ITSN1: variants seen among roughly 807,000 people sequenced by gnomAD.
ITSN1 encodes intersectin 1.
In ITSN1, 58 loss-of-function variants were observed where a neutral mutation model predicts 239.8. The observed-to-expected ratio is 0.24, with a 90% CI of 0.20 to 0.30. The LOEUF is 0.30. Ranked by LOEUF, ITSN1 falls within the 10% of genes least tolerant of loss-of-function variation. The pLI is 1.00. For missense variants in ITSN1, 1,558 were observed against 2,103.3 expected, an observed-to-expected ratio of 0.74 and a Z score of 5.07; for synonymous variants, 780 against 770.8, an observed-to-expected ratio of 1.01 and a Z score of -0.20.
At chr21:33,769,826 G>A (rs2068999696) in intron 11 of ITSN1, among the ~76,000 whole-genome samples, 1 of 151,644 alleles carries the variant, frequency 6.6e-6, no homozygotes, top group African/African-American at 2.4e-5. Flanking sequence ...CTCCCAAGTA[G>A]CTGGGACTAA....
At chr21:33,749,358 C>A (rs113942553) in intron 5 of ITSN1, among the ~76,000 whole-genome samples, 9 of 151,930 alleles carry the variant, frequency 5.9e-5, no homozygotes, top group Admixed American at 1.3e-4. Flanking sequence ...AAGATGCTTC[C>A]AGGGCCAGGC....
intron 17 of ITSN1, among the ~76,000 whole-genome samples, chr21:33,796,105 A>G (rs1475801014): frequency 6.6e-6 from 1 of 152,118 alleles, no homozygotes; most frequent in Non-Finnish European, 1.5e-5. Context: ...CTGGGACTAC[A>G]GGTGTGTGCT....
In ITSN1 at chr21:33,761,875, G is replaced by C. The variant is rs756314291; in HGVS notation, c.725-48G>C. 2.2e-6 allele frequency: 3 copies of C among 1,333,352 alleles called. No homozygotes were observed. The South Asian group carries it at 3.5e-5, about 16-fold the overall frequency. 82.6% of individuals were successfully genotyped at this position (1,333,352 alleles called of 1,614,324 possible). On this transcript the variant is annotated intron_variant, in intron 8 of 39. Transcript: ENST00000381318. ...CAGAACCCTGGTCCTCCTGTACAGT[G>C]AGTATTTGCTGACTCATCTGTATGT...
intron 7 of ITSN1, among the ~76,000 whole-genome samples, chr21:33,752,867 C>G (rs2067652129): frequency 6.6e-6 from 1 of 151,416 alleles, no homozygotes; most frequent in Non-Finnish European, 1.5e-5. Flanking sequence ...TGTCTTATGT[C>G]AATCCTCACT....
At chr21:33,858,977 A>G (rs1979928919) in intron 31 of ITSN1, among the ~76,000 whole-genome samples, 185 bp downstream of exon 31, 1 of 150,228 alleles carries the variant, frequency 6.7e-6, no homozygotes, top group African/African-American at 2.5e-5. Context: ...CTGGAAACGC[A>G]CTCCGAATCT....
intron 1 of ITSN1, among the ~76,000 whole-genome samples, chr21:33,704,194 C>T (rs1476314255): frequency 4.6e-5 from 7 of 152,260 alleles, no homozygotes; most frequent in East Asian, 1.9e-4. Context: ...AATGTTTACA[C>T]GTCAGGAAGC....
intron 11 of ITSN1, among the ~76,000 whole-genome samples, chr21:33,768,337 A>G (rs926226428): frequency 6.6e-6 from 1 of 152,094 alleles, no homozygotes; most frequent in African/African-American, 2.4e-5. Flanking sequence ...GCAGGAGTGG[A>G]GTGGCGCAAT....
rs767980274 is a variant in ITSN1, at chr21:33,775,041, T to C, written c.1529T>C (p.Ile510Thr). 2.5e-6 allele frequency: 4 copies of C among 1,613,938 alleles called. No homozygotes were observed. The highest frequency in any genetic ancestry group is 2.7e-5 in the African/African-American group (2 of 74,904). The change falls in exon 14 of 40, where the codon ATT (isoleucine) becomes ACT (threonine). Residue 510 changes from isoleucine to threonine, a missense_variant. By Grantham distance (89) the Ile-to-Thr change is moderately conservative. Coordinates refer to ENST00000381318, the MANE Select transcript of ITSN1 (RefSeq NM_003024.3). ...RCRLTTQRQE[I>T]ESTNKSRELR... Reference sequence around the variant, plus strand: ...CGATTGACCACCCAAAGGCAAGAAATTGAGAGCACAAACAAATCTAGAGAG... The same window carrying C: ...CGATTGACCACCCAAAGGCAAGAAACTGAGAGCACAAACAAATCTAGAGAG...
intron 31 of ITSN1, among the ~76,000 whole-genome samples, chr21:33,862,231 C>G (rs532193200): frequency 1.3e-4 from 20 of 149,070 alleles, no homozygotes; most frequent in Admixed American, 4.0e-4. Context: ...GTGACCAACC[C>G]AGGTTTGGGG....
At chr21:33,842,676 T>C (rs2074864448) in intron 29 of ITSN1, among the ~76,000 whole-genome samples, 1 of 152,188 alleles carries the variant, frequency 6.6e-6, no homozygotes, top group Non-Finnish European at 1.5e-5. Context: ...TGACAGCTGC[T>C]ATTTCCACAT....
At chr21:33,825,207 T>A (rs10222169) in intron 25 of ITSN1, among the ~76,000 whole-genome samples, 17,269 of 152,226 alleles carry the variant, frequency 0.11, 1,280 homozygotes, top group East Asian at 0.29. Context: ...GTGACTTTTT[T>A]TTTTAAGGTA....
At chr21:33,848,415 T>C (rs1171962310) in intron 29 of ITSN1, among the ~76,000 whole-genome samples, 1 of 152,194 alleles carries the variant, frequency 6.6e-6, no homozygotes, top group African/African-American at 2.4e-5. Context: ...TTTAGAACCA[T>C]GAGGAAGTAT....
intron 39 of ITSN1, among the ~76,000 whole-genome samples, chr21:33,886,910 G>A (rs1039058774): frequency 3.3e-5 from 5 of 152,196 alleles, no homozygotes; most frequent in African/African-American, 1.2e-4. Context: ...GCAAAGGGAT[G>A]CAGTCATGTT....
chr21:33,812,678 T>C (rs929850047), intron 21 of ITSN1, among the ~76,000 whole-genome samples: 7 of 152,112 alleles, frequency 4.6e-5, no homozygotes, highest in Admixed American at 3.3e-4. Flanking sequence ...TTTAAGTTTT[T>C]TGTAGAGATG....
intron 22 of ITSN1, 75 bp downstream of exon 22, chr21:33,814,147 C>A: frequency 6.9e-7 from 1 of 1,442,786 alleles, no homozygotes; most frequent in Middle Eastern, 2.3e-4. Context: ...TGCTTTTTGG[C>A]AATGTCATTT....
intron 20 of ITSN1, among the ~76,000 whole-genome samples, chr21:33,810,173 G>A (rs1345941826): frequency 6.6e-6 from 1 of 152,198 alleles, no homozygotes; most frequent in African/African-American, 2.4e-5. Context: ...GGGACAACTC[G>A]TAAAGAAAAG....
intron 33 of ITSN1, among the ~76,000 whole-genome samples, chr21:33,874,062 G>A (rs1203692818): frequency 7.3e-6 from 1 of 137,410 alleles, no homozygotes; most frequent in African/African-American, 2.7e-5. Context: ...GGCTGAGGCA[G>A]AAGAATTGCT....
At chr21:33,810,780 C>T (rs1278694838) in intron 20 of ITSN1, 195 bp from the exon 21 acceptor site, 4 of 751,976 alleles carry the variant, frequency 5.3e-6, no homozygotes, top group Non-Finnish European at 9.5e-6. Flanking sequence ...AGAATAAGAG[C>T]TTGAATTATA....
At position 33,891,770 on chromosome 21, in the gene ITSN1, C is replaced by T. The variant is rs1006012600; in HGVS notation, c.*3470C>T. ...TTCTGGCTTTATTGAAAAGGTGAAG[C>T]TCTTGGAGTATATTTTAGAGTAGGC... On this transcript the variant is annotated 3_prime_UTR_variant, in exon 40 of 40. Coordinates refer to ENST00000381318, the MANE Select transcript of ITSN1 (RefSeq NM_003024.3). The T allele has an allele frequency of 2.6e-5, 4 of 152,148 alleles. No homozygotes were observed. The highest frequency in any genetic ancestry group is 9.7e-5 in the African/African-American group (4 of 41,414). 9.4% of individuals were successfully genotyped at this position (152,148 alleles called of 1,614,324 possible).
Sources: allele counts gnomAD v4.1 joint callset (sites outside exome capture counted in the v4.1 genomes callset), GRCh38; gene constraint gnomAD v4.1.1; transcripts MANE v1.5; gene names NCBI Gene and HGNC (gene_info 2026-07-23, HGNC 2026-07-21).